The following SPON1 variants were observed in gnomAD, a reference collection of about 807,000 sequenced individuals.
The protein encoded by SPON1 is spondin 1, also known as spondin-1.
SPON1 carries 52 observed loss-of-function variants against 111.7 expected under a neutral mutation model. The observed-to-expected ratio is 0.47, with a 90% CI of 0.37 to 0.59. The LOEUF is 0.59. Among genes scored for constraint, SPON1 ranks in the 20% least tolerant of loss-of-function variants. SPON1 has a pLI of 0.00. For missense variants in SPON1, 957 were observed against 1,068.5 expected (o/e 0.90, Z 1.46); for synonymous variants, 410 against 395.8 (o/e 1.04, Z -0.43).
At chr11:14,223,709 C>T (rs1554937824) in intron 6 of SPON1, among the ~76,000 whole-genome samples, 1 of 152,228 alleles carries the variant, frequency 6.6e-6, no homozygotes, top group Non-Finnish European at 1.5e-5. Context: ...CACGCCCTCC[C>T]CTTCAATCCA....
intron 1 of SPON1, among the ~76,000 whole-genome samples, chr11:13,964,069 C>T (rs1847996786): frequency 6.6e-6 from 1 of 152,176 alleles, no homozygotes; most frequent in East Asian, 1.9e-4. Context: ...ACAGGCAGTT[C>T]GACCAGCACC....
chr11:14,072,898 C>A (rs782375363), intron 3 of SPON1, among the ~76,000 whole-genome samples: 1 of 152,150 alleles, frequency 6.6e-6, no homozygotes, highest in Non-Finnish European at 1.5e-5. Flanking sequence ...AATGCCATCT[C>A]CCTGCAGGCT....
chr11:14,135,887 T>C lies in SPON1; in HGVS notation c.825+319T>C, dbSNP rs1041319584. On this transcript the variant is annotated intron_variant, in intron 6 of 15. Coordinates refer to ENST00000576479, the MANE Select transcript of SPON1 (RefSeq NM_006108.4). The surrounding 1 kb of genome is among the most constrained non-coding windows in gnomAD (Gnocchi z 4.4). ...AATTAAGGTTTTCTTACTGTGATCT[T>C]TGAGAGGGTCAGAGGAGTAATAGTC... Among the ~76,000 whole-genome samples the C allele has an allele frequency of 3.9e-5, 6 of 152,172 alleles. No individual in the cohort carries two copies. Among genetic ancestry groups the C allele is most frequent in the Admixed American group, 6.5e-5 (1 of 15,284 alleles).
At chr11:14,209,625 T>G (rs1279205386) in intron 6 of SPON1, among the ~76,000 whole-genome samples, 1 of 152,202 alleles carries the variant, frequency 6.6e-6, no homozygotes, top group Non-Finnish European at 1.5e-5. Context: ...TATTCCATGG[T>G]GTATATGTGC....
chr11:14,154,518 G>A (rs1235931886), intron 6 of SPON1, among the ~76,000 whole-genome samples: 1 of 152,198 alleles, frequency 6.6e-6, no homozygotes, highest in Admixed American at 6.5e-5. Context: ...GCTGCACAAG[G>A]CAGTGGGACC....
chr11:14,158,332 C>G (rs182144738), intron 6 of SPON1, among the ~76,000 whole-genome samples: 54 of 152,286 alleles, frequency 3.5e-4, no homozygotes, highest in Non-Finnish European at 7.4e-5. Context: ...TTCCCCAAAT[C>G]TGAGGCTGCT....
intron 6 of SPON1, among the ~76,000 whole-genome samples, chr11:14,164,953 A>G (rs1554931729): frequency 6.6e-6 from 1 of 152,198 alleles, no homozygotes; most frequent in Admixed American, 6.5e-5. Context: ...CATGGTCTGC[A>G]AAATATCTCA....
chr11:14,139,294 C>G (rs951166564), intron 6 of SPON1, among the ~76,000 whole-genome samples: 1 of 152,206 alleles, frequency 6.6e-6, no homozygotes, highest in African/African-American at 2.4e-5. Flanking sequence ...CTATTCATCC[C>G]TTAGGACTTA....
intron 3 of SPON1, among the ~76,000 whole-genome samples, chr11:14,049,748 C>T (rs979081456): frequency 6.6e-5 from 10 of 152,126 alleles, no homozygotes; most frequent in Non-Finnish European, 1.3e-4. Context: ...GCTCTAAAAT[C>T]CAAAAGATTT....
intron 3 of SPON1, among the ~76,000 whole-genome samples, chr11:14,058,720 G>T (rs1848766755): frequency 6.6e-6 from 1 of 152,154 alleles, no homozygotes; most frequent in South Asian, 2.1e-4. Flanking sequence ...TGAGCATTCA[G>T]CTGGGTATTG....
intron 2 of SPON1, among the ~76,000 whole-genome samples, chr11:13,990,675 T>C (rs1848222472): frequency 1.3e-5 from 2 of 152,146 alleles, no homozygotes; most frequent in African/African-American, 4.8e-5. Context: ...GTCGATATTC[T>C]TTACCATTTG....
At chr11:14,046,805 T>A (rs941060803) in intron 3 of SPON1, among the ~76,000 whole-genome samples, 1 of 152,238 alleles carries the variant, frequency 6.6e-6, no homozygotes, top group Non-Finnish European at 1.5e-5. Flanking sequence ...TTTCCCAGAA[T>A]ACATAAGATG....
intron 6 of SPON1, among the ~76,000 whole-genome samples, chr11:14,167,640 C>A (rs1287798722): frequency 6.6e-6 from 1 of 152,006 alleles, no homozygotes; most frequent in African/African-American, 2.4e-5. Flanking sequence ...ATATTTCTAT[C>A]CAGTTTTAAT....
At chr11:14,191,405 C>A (rs957795489) in intron 6 of SPON1, among the ~76,000 whole-genome samples, 3 of 152,214 alleles carry the variant, frequency 2.0e-5, no homozygotes, top group African/African-American at 7.2e-5. Flanking sequence ...CCAGTCCCAC[C>A]TCCTCTCAAG....
chr11:14,114,154 C>A (rs1269375502), intron 5 of SPON1, among the ~76,000 whole-genome samples: 1 of 152,134 alleles, frequency 6.6e-6, no homozygotes, highest in Non-Finnish European at 1.5e-5. Context: ...CTTATTCATT[C>A]TTTCTAATTT....
intron 1 of SPON1, among the ~76,000 whole-genome samples, chr11:13,977,560 A>C (rs1848112179): frequency 6.6e-6 from 1 of 152,130 alleles, no homozygotes; most frequent in Non-Finnish European, 1.5e-5. Flanking sequence ...GATCTGAAAT[A>C]GTTCTTTATG....
chr11:14,234,011 T>C (rs527425403), intron 6 of SPON1, among the ~76,000 whole-genome samples: 1 of 152,230 alleles, frequency 6.6e-6, no homozygotes, highest in South Asian at 2.1e-4. Context: ...CCATCAACCT[T>C]GGCCTCCCAA....
chr11:14,094,850 G>C (rs1443682543), intron 5 of SPON1, among the ~76,000 whole-genome samples: 1 of 152,240 alleles, frequency 6.6e-6, no homozygotes, highest in African/African-American at 2.4e-5. Flanking sequence ...TGGTGTGTGG[G>C]AGGATGCGCA....
At chr11:14,084,072 T>C (rs1340218011) in intron 5 of SPON1, among the ~76,000 whole-genome samples, 3 of 152,162 alleles carry the variant, frequency 2.0e-5, no homozygotes, top group Admixed American at 6.5e-5. Flanking sequence ...AATAAAAATA[T>C]GTTTACTCAA....
Sources: allele counts gnomAD v4.1 joint callset (sites outside exome capture counted in the v4.1 genomes callset), GRCh38; gene constraint gnomAD v4.1.1; non-coding constraint Gnocchi (gnomAD v3.1); transcripts MANE v1.5; gene names NCBI Gene and HGNC (gene_info 2026-07-23, HGNC 2026-07-21).